SEC23A: variants seen among roughly 807,000 people sequenced by gnomAD.
SEC23A encodes protein transport protein Sec23A.
Under a neutral mutation model 103.7 loss-of-function variants are expected in SEC23A, and 56 were observed. The observed-to-expected ratio is 0.54, with a 90% confidence interval of 0.44 to 0.67. SEC23A has a LOEUF of 0.67. Ranked by LOEUF, SEC23A falls within the 30% of genes least tolerant of loss-of-function variation. The pLI is 0.00. For missense variants in SEC23A, 784 were observed against 936.4 expected, an observed-to-expected ratio of 0.84 and a Z score of 2.12; for synonymous variants, 281 against 293.0, an observed-to-expected ratio of 0.96 and a Z score of 0.42.
At chr14:39,034,842 A>G (rs1313086568) in intron 19 of SEC23A, among the ~76,000 whole-genome samples, 1 of 152,206 alleles carries the variant, frequency 6.6e-6, no homozygotes, top group East Asian at 1.9e-4. Context: ...ATGAGGCACT[A>G]CAGCAACAGA....
Position 39,085,687 on chromosome 14 carries a change from T to TACACACACACACACAC in SEC23A, c.828+74_828+75insGTGTGTGTGTGTGTGT, listed in dbSNP as rs1276785608. 2.7e-4 allele frequency: 315 copies of TACACACACACACACAC among 1,179,162 alleles called. 3 individuals carry two copies. The African/African-American group carries it at 3.4e-3, about 13-fold the overall frequency. 73.0% of individuals were successfully genotyped at this position (1,179,162 alleles called of 1,614,324 possible). A position where few individuals can be genotyped will look rare whatever the true frequency, so the allele number is the denominator to read the frequency against. ...GGTTCTTCTTATCCTTATAATTATA[T>TACACACACACACACAC]ATACACACACACACACACACACACA... On this transcript the variant is annotated intron_variant, in intron 7 of 19. Coordinates refer to ENST00000307712, the MANE Select transcript of SEC23A (RefSeq NM_006364.4).
intron 5 of SEC23A, among the ~76,000 whole-genome samples, chr14:39,089,942 C>T (rs997485481): frequency 4.6e-5 from 7 of 152,130 alleles, no homozygotes; most frequent in East Asian, 3.9e-4. Flanking sequence ...GGTGACAGAG[C>T]GAGACTCTTG....
intron 1 of SEC23A, among the ~76,000 whole-genome samples, chr14:39,099,153 G>A (rs1016081724): frequency 1.5e-5 from 2 of 134,088 alleles, no homozygotes; most frequent in Non-Finnish European, 3.1e-5. Flanking sequence ...ATTGTTTTTG[G>A]GTTTTTTTTT....
intron 10 of SEC23A, 26 bp downstream of exon 10, chr14:39,067,147 C>CG: frequency 6.2e-7 from 1 of 1,612,990 alleles, no homozygotes; most frequent in Non-Finnish European, 8.5e-7. Context: ...GATAACATAT[C>CG]GCACATGTCA....
At chr14:39,092,412 C>T (rs1406392058) in intron 4 of SEC23A, 129 bp downstream of exon 4, 1 of 682,540 alleles carries the variant, frequency 1.5e-6, no homozygotes, top group Non-Finnish European at 2.5e-6. Context: ...CTCAACAGTT[C>T]TTACCTTTGA....
At chr14:39,050,675 G>C (rs1055136134) in intron 14 of SEC23A, among the ~76,000 whole-genome samples, 1 of 152,182 alleles carries the variant, frequency 6.6e-6, no homozygotes, top group African/African-American at 2.4e-5. Context: ...AAAGGAAGCC[G>C]GGAGCAGTGG....
intron 14 of SEC23A, among the ~76,000 whole-genome samples, chr14:39,052,538 G>A (rs1464846753): frequency 2.6e-5 from 4 of 152,138 alleles, no homozygotes; most frequent in Non-Finnish European, 4.4e-5. Flanking sequence ...AAGTTGTACT[G>A]TTCAATTTTG....
Position 39,061,778 on chromosome 14 carries a change from T to A in SEC23A, c.1492A>T (p.Thr498Ser). 6.2e-7 allele frequency: 1 copy of A among 1,609,296 alleles called. No individual in the cohort carries two copies. Among genetic ancestry groups the A allele is most frequent in the Non-Finnish European group, 8.5e-7 (1 of 1,175,640 alleles). Residue 498 changes from threonine to serine, a missense_variant, in exon 13 of 20, where the codon ACC (threonine) becomes TCC (serine). By Grantham distance (58) the Thr-to-Ser change is moderately conservative. Coordinates refer to ENST00000307712, the MANE Select transcript of SEC23A (RefSeq NM_006364.4). ...SSGQRRIRVT[T>S]IARNWADAQT... ...AATACAACTTACTTCCTAGCAATGG[T>A]GGTCACTCGGATGCGTCTCTGCCCA...
chr14:39,079,916 A>T (rs1188662893), intron 7 of SEC23A, among the ~76,000 whole-genome samples: 2 of 152,212 alleles, frequency 1.3e-5, no homozygotes, highest in East Asian at 3.8e-4. Flanking sequence ...TGTATATACC[A>T]TTGCATATTG....
intron 9 of SEC23A, among the ~76,000 whole-genome samples, chr14:39,070,493 C>T (rs757099572): frequency 3.4e-4 from 52 of 151,938 alleles, no homozygotes; most frequent in Non-Finnish European, 7.4e-4. Flanking sequence ...TTGAATTTAG[C>T]AATAATAAAA....
rs59136053 is a variant in SEC23A at position 39,085,689 on chromosome 14, TACACACACACACAC to T, written c.828+59_828+72del. 3.4e-3 allele frequency: 4,040 copies of T among 1,189,596 alleles called. 7 individuals are homozygous for T. Among genetic ancestry groups the T allele is most frequent in the South Asian group, 0.012 (978 of 79,684 alleles). The allele number at this position is 1,189,596 out of a possible 1,614,324, so 73.7% of individuals were successfully genotyped here. A position where few individuals can be genotyped will look rare whatever the true frequency, so the allele number is the denominator to read the frequency against. On this transcript the variant is annotated intron_variant, in intron 7 of 19. Transcript: ENST00000307712. ...TTCTTCTTATCCTTATAATTATATA[TACACACACACACAC>T]ACACACACACACACACACACACACA...
intron 1 of SEC23A, among the ~76,000 whole-genome samples, chr14:39,102,188 C>T (rs1177199841): frequency 6.6e-6 from 1 of 151,146 alleles, no homozygotes; most frequent in Non-Finnish European, 1.5e-5. Context: ...GCCGAGATTG[C>T]GCCACTGCAC....
At chr14:39,081,601 A>T (rs966706945) in intron 7 of SEC23A, among the ~76,000 whole-genome samples, 4 of 152,204 alleles carry the variant, frequency 2.6e-5, no homozygotes, top group Admixed American at 6.5e-5. Context: ...AAACTATTCT[A>T]TATATTCTAG....
intron 1 of SEC23A, among the ~76,000 whole-genome samples, chr14:39,100,575 G>A (rs1475231259): frequency 6.6e-6 from 1 of 151,794 alleles, no homozygotes; most frequent in African/African-American, 2.4e-5. Flanking sequence ...ACCACACCTG[G>A]CTAATTTTTG....
intron 5 of SEC23A, chr14:39,091,011 TG>T: frequency 2.6e-6 from 1 of 379,008 alleles, no homozygotes; most frequent in Non-Finnish European, 5.0e-6. Flanking sequence ...CCACCACCAC[TG>T]CTGCCCCAGC....
chr14:39,091,539 C>T lies in SEC23A; in HGVS notation c.541G>A (p.Glu181Lys). 1.2e-6 allele frequency: 2 copies of T among 1,613,980 alleles called. No homozygotes were observed. Among genetic ancestry groups the T allele is most frequent in the Non-Finnish European group, 8.5e-7 (1 of 1,179,980 alleles). ...RMVQVHELGC[E>K]GISKSYVFRG... Reference sequence around the variant, plus strand: ...AAGACATAGCTTTTTGAAATGCCTTCACATCCAAGTTCATGAACCTGAACC... The same window carrying T: ...AAGACATAGCTTTTTGAAATGCCTTTACATCCAAGTTCATGAACCTGAACC... Residue 181 changes from glutamate (E) to lysine (K), a missense_variant, in exon 5 of 20, where the codon GAA (glutamate) becomes AAA (lysine). Around this residue, in one of 2 missense-constraint regions of SEC23A, gnomAD observed 683 missense variants for 774.2 expected, o/e 0.88. Coordinates refer to ENST00000307712, the MANE Select transcript of SEC23A (RefSeq NM_006364.4).
chr14:39,063,692 C>G (rs954776960), intron 11 of SEC23A, among the ~76,000 whole-genome samples: 2 of 152,042 alleles, frequency 1.3e-5, no homozygotes, highest in African/African-American at 4.8e-5. Context: ...TCATACTGTT[C>G]TCTTTAAAAG....
intron 7 of SEC23A, among the ~76,000 whole-genome samples, chr14:39,080,815 T>C (rs1316191009): frequency 1.3e-5 from 2 of 151,974 alleles, no homozygotes; most frequent in African/African-American, 4.8e-5. Flanking sequence ...AAAATACATA[T>C]AAAGAGGGCC....
chr14:39,083,050 A>C (rs1365175120), intron 7 of SEC23A, among the ~76,000 whole-genome samples: 2 of 152,174 alleles, frequency 1.3e-5, no homozygotes, highest in Non-Finnish European at 2.9e-5. Flanking sequence ...TTAACATTTT[A>C]ATTTTAATAG....
Sources: gnomAD v4.1 joint callset for allele counts (sites outside exome capture counted in the v4.1 genomes callset) on GRCh38, gnomAD v4.1.1 for gene constraint, gnomAD v4.1.1 regional missense constraint, MANE v1.5 for transcripts, NCBI Gene and HGNC (gene_info 2026-07-23, HGNC 2026-07-21) for gene names.